The following PTPRG variants were observed in gnomAD, a reference collection of about 807,000 sequenced individuals.
PTPRG encodes protein tyrosine phosphatase receptor type G.
PTPRG carries 102 observed loss-of-function variants against 165.3 expected under a neutral mutation model. That is an observed-to-expected ratio of 0.62 (90% CI 0.53 to 0.73). The LOEUF (loss-of-function observed/expected upper bound fraction) is 0.73, where lower values mean the gene tolerates loss of function less well. Among genes scored for constraint, PTPRG ranks in the 30% least tolerant of loss-of-function variants. The probability of loss-of-function intolerance (pLI) is 0.00; values close to 1 mark genes in which losing one functional copy is unlikely to be tolerated. For synonymous variants in PTPRG, 675 were observed against 669.5 expected (o/e 1.01, Z -0.13); for missense variants, 1,866 against 1,861.4 (o/e 1.00, Z -0.05).
At chr3:62,287,851 A>ATATACATAGGCCATAAATGGAATTTC (rs1702729025) in intron 28 of PTPRG, among the ~76,000 whole-genome samples, 1 of 152,140 alleles carries the variant, frequency 6.6e-6, no homozygotes, top group Non-Finnish European at 1.5e-5. Flanking sequence ...TGGTTTATTT[A>ATATACATAGGCCATAAATGGAATTTC]TATACATAGG....
chr3:61,683,016 GA>G (rs1349677671), intron 1 of PTPRG, among the ~76,000 whole-genome samples: 3 of 152,180 alleles, frequency 2.0e-5, no homozygotes, highest in African/African-American at 7.2e-5. Flanking sequence ...CACGTGGTAT[GA>G]ATAGCTCCTC....
intron 17 of PTPRG, among the ~76,000 whole-genome samples, chr3:62,265,896 T>TACAC (rs143246257): frequency 0.049 from 6,371 of 130,568 alleles, 191 homozygotes; most frequent in African/African-American, 0.066. Context: ...GTGCCTTATA[T>TACAC]ACACACACAC....
At chr3:61,667,025 A>T in intron 1 of PTPRG, among the ~76,000 whole-genome samples, 1 of 152,216 alleles carries the variant, frequency 6.6e-6, no homozygotes, top group Non-Finnish European at 1.5e-5. Context: ...TGAATTAATA[A>T]TTTAAAAAGT....
At chr3:61,933,270 C>A (rs754145769) in intron 2 of PTPRG, among the ~76,000 whole-genome samples, 2 of 152,148 alleles carry the variant, frequency 1.3e-5, no homozygotes, top group African/African-American at 4.8e-5. Flanking sequence ...TGCTGAGATA[C>A]GATTTTGTCC....
intron 14 of PTPRG, among the ~76,000 whole-genome samples, chr3:62,238,797 AGACT>A (rs1467256950): frequency 2.0e-5 from 3 of 152,360 alleles, no homozygotes; most frequent in Non-Finnish European, 2.9e-5. Context: ...ACTGAGAGAC[AGACT>A]GACTGACTGT....
rs182863180 is a variant in PTPRG, at chr3:62,019,451, G to A, written c.519+15954G>A. 1.5e-4 allele frequency among the ~76,000 whole-genome samples: 22 copies of A among 151,304 alleles called. 1 individual carries two copies. The highest frequency in any genetic ancestry group is 1.3e-3 in the Admixed American group (20 of 15,198). On this transcript the variant is annotated intron_variant, in intron 4 of 29. Coordinates refer to ENST00000474889, the MANE Select transcript of PTPRG (RefSeq NM_002841.4). ...GAAGGGAGGATTGCTTGAACTCAGGGGGTGGAGGTTGCAGTGAGCTGAGAT... is the reference window on the plus strand; with the variant it reads ...GAAGGGAGGATTGCTTGAACTCAGGAGGTGGAGGTTGCAGTGAGCTGAGAT...
At chr3:61,860,102 G>C (rs1368650991) in intron 2 of PTPRG, among the ~76,000 whole-genome samples, 1 of 152,130 alleles carries the variant, frequency 6.6e-6, no homozygotes, top group African/African-American at 2.4e-5. Flanking sequence ...TGATTGCTTA[G>C]TCCTGTTACT....
At chr3:61,721,159 C>T (rs1037336455) in intron 1 of PTPRG, among the ~76,000 whole-genome samples, 26 of 152,196 alleles carry the variant, frequency 1.7e-4, no homozygotes, top group African/African-American at 6.3e-4. Context: ...CTGTACATTT[C>T]TGTTTCTGGT....
chr3:62,132,622 T>A lies in PTPRG; in HGVS notation c.636T>A (p.Ser212=). Residue 212 remains serine, a synonymous_variant, in exon 6 of 30, where the codon TCT becomes TCA. Coordinates refer to ENST00000474889, the MANE Select transcript of PTPRG (RefSeq NM_002841.4). ...TTTAGGTCAGTCCGAGGGACAATTC[T>A]GCACTGGATCCTATTATCCACGGGT... ...IFFQVSPRDN[S]ALDPIIHGLK... is the part of the protein sequence containing the mutation. 2 of 1,611,960 alleles carry A rather than the reference T, an allele frequency of 1.2e-6. No individual in the cohort carries two copies. The highest frequency in any genetic ancestry group is 2.2e-5 in the South Asian group (2 of 91,030).
At chr3:61,752,993 G>A (rs2033503735) in intron 2 of PTPRG, among the ~76,000 whole-genome samples, 1 of 151,856 alleles carries the variant, frequency 6.6e-6, no homozygotes, top group Non-Finnish European at 1.5e-5. Flanking sequence ...TACCTTTATA[G>A]GCCTATCAAA....
chr3:62,242,863 G>A (rs565200623), intron 14 of PTPRG, among the ~76,000 whole-genome samples: 29 of 151,798 alleles, frequency 1.9e-4, no homozygotes, highest in Non-Finnish European at 4.0e-4. Context: ...CGACGCCAGA[G>A]GAGGACAGAT....
intron 3 of PTPRG, among the ~76,000 whole-genome samples, chr3:61,999,491 T>G (rs181225487): frequency 1.5e-4 from 23 of 152,290 alleles, no homozygotes; most frequent in African/African-American, 5.5e-4. Flanking sequence ...ACAAAAACAT[T>G]CAGTCTGTAA....
In PTPRG at chr3:62,267,739, T is replaced by C. The variant is rs776757908; in HGVS notation, c.2794T>C (p.Phe932Leu). 13 of 1,613,496 alleles carry C rather than the reference T, an allele frequency of 8.1e-6. No homozygotes were observed. In the East Asian group the frequency reaches 2.9e-4, roughly 36 times the overall value. Residue 932 changes from phenylalanine to leucine, a missense_variant, in exon 19 of 30, where the codon TTT becomes CTT. This residue lies in a region of PTPRG where 1,452 missense variants were observed against 1,463.0 expected (regional missense o/e 0.99). Coordinates refer to ENST00000474889, the MANE Select transcript of PTPRG (RefSeq NM_002841.4). ...CACCCAAGGACCTTTGAAGTCTACA[T>C]TTGAAGATTTCTGGAGGATGATTTG... ...IATQGPLKST[F>L]EDFWRMIWEQ...
chr3:61,870,315 T>C (rs1275497563), intron 2 of PTPRG, among the ~76,000 whole-genome samples: 1 of 145,460 alleles, frequency 6.9e-6, no homozygotes, highest in African/African-American at 2.7e-5. Context: ...GGAAAAATTA[T>C]TCTTTTTTTT....
chr3:61,978,550 C>T lies in PTPRG; in HGVS notation c.191-11075C>T, dbSNP rs541130370. Among the ~76,000 whole-genome samples the T allele has an allele frequency of 3.3e-5, 5 of 152,174 alleles. No individual in the cohort carries two copies. In the South Asian group the frequency reaches 6.2e-4, roughly 19 times the overall value. On this transcript the variant is annotated intron_variant, in intron 2 of 29. Transcript: ENST00000474889. ...ATATTTGCATTATTGCCAATTCTTT[C>T]GTATTATAAACATTGCTGAAATTTA...
chr3:61,770,728 TTTTAA>T (rs1488709333), intron 2 of PTPRG: 1 of 152,190 alleles, frequency 6.6e-6, no homozygotes, highest in African/African-American at 2.4e-5. Flanking sequence ...TTATCTAGGA[TTTTAA>T]TTTAATAGCT....
intron 2 of PTPRG, among the ~76,000 whole-genome samples, chr3:61,964,385 G>T (rs2040221890): frequency 6.6e-6 from 1 of 152,052 alleles, no homozygotes; most frequent in South Asian, 2.1e-4. Flanking sequence ...ATGGACTGGG[G>T]GACTTTCTCA....
intron 1 of PTPRG, among the ~76,000 whole-genome samples, chr3:61,589,780 G>A (rs1039913692): frequency 6.6e-6 from 1 of 151,802 alleles, no homozygotes; most frequent in African/African-American, 2.4e-5. Flanking sequence ...TGGGTAGATG[G>A]GTGGATGGAT....
At chr3:61,762,624 G>A (rs2033890132) in intron 2 of PTPRG, among the ~76,000 whole-genome samples, 1 of 152,122 alleles carries the variant, frequency 6.6e-6, no homozygotes, top group Admixed American at 6.5e-5. Flanking sequence ...TTTGACGTAT[G>A]AGTACACCAT....
Sources: allele counts gnomAD v4.1 joint callset (sites outside exome capture counted in the v4.1 genomes callset), GRCh38; gene constraint gnomAD v4.1.1; regional missense constraint gnomAD v4.1.1; transcripts MANE v1.5; gene names NCBI Gene and HGNC (gene_info 2026-07-23, HGNC 2026-07-21).